The following TDRD15 variants were observed in gnomAD, a reference collection of about 807,000 sequenced individuals.
TDRD15 encodes tudor domain-containing protein 15.
For missense variants in TDRD15, 1,416 were observed against 904.7 expected, an observed-to-expected ratio of 1.57 and a Z score of -7.25; for synonymous variants, 503 against 314.5, an observed-to-expected ratio of 1.60 and a Z score of -6.34.
rs1665903868 is a variant in TDRD15 at position 21,140,636 on chromosome 2, G to GA, written c.3173dup (p.Asn1058LysfsTer22). 1.4e-6 allele frequency: 1 copy of GA among 715,136 alleles called. No individual in the cohort carries two copies. The highest frequency in any genetic ancestry group is 1.8e-5 in the African/African-American group (1 of 57,114). The allele number at this position is 715,136 out of a possible 1,614,324, so 44.3% of individuals were successfully genotyped here. A position where few individuals can be genotyped will look rare whatever the true frequency, so the allele number is the denominator to read the frequency against. ...CTTTGGAAATAAGCAATTAGTAGGA[G>GA]AAAATATGTTGAGGGCCATTTCAGC... On this transcript the variant is annotated frameshift_variant, in exon 4 of 4. Coordinates refer to ENST00000405799, the MANE Select transcript of TDRD15 (RefSeq NM_001306137.2). LOFTEE classifies it low-confidence loss of function (END_TRUNC).
Position 21,139,343 on chromosome 2 carries a change from T to C in TDRD15, c.1876T>C (p.Leu626=), listed in dbSNP as rs1160169731. The change falls in exon 4 of 4, where the codon TTG becomes CTG. Residue 626 remains leucine, a synonymous_variant. Coordinates refer to ENST00000405799, the MANE Select transcript of TDRD15 (RefSeq NM_001306137.2). ...FKKLVLNKAI[L]LQVIAKKDDK... ...AAAATTAGTTTTGAACAAAGCAATT[T>C]TGCTTCAGGTTATAGCAAAAAAAGA... 3 of 703,086 alleles carry C rather than the reference T, an allele frequency of 4.3e-6. No individual in the cohort carries two copies. Among genetic ancestry groups the C allele is most frequent in the Non-Finnish European group, 7.9e-6 (3 of 381,048 alleles). 43.6% of individuals were successfully genotyped at this position (703,086 alleles called of 1,614,324 possible).
chr2:21,129,090 C>G (rs920001821), intron 2 of TDRD15, among the ~76,000 whole-genome samples: 1 of 152,124 alleles, frequency 6.6e-6, no homozygotes, highest in Non-Finnish European at 1.5e-5. Flanking sequence ...GTGCACGTTA[C>G]CATGCCCCAC....
chr2:21,125,051 G>C (rs780675969), intron 1 of TDRD15, among the ~76,000 whole-genome samples: 3 of 149,308 alleles, frequency 2.0e-5, no homozygotes, highest in Non-Finnish European at 1.5e-5. Flanking sequence ...TAATGTCAGG[G>C]TGTGTGAGTG....
At chr2:21,126,009 T>C (rs1665583600) in intron 1 of TDRD15, among the ~76,000 whole-genome samples, 1 of 151,882 alleles carries the variant, frequency 6.6e-6, no homozygotes, top group Non-Finnish European at 1.5e-5. Context: ...CATGTGTGTG[T>C]GTATGTGTGT....
At chr2:21,146,892 C>G (rs1666039006), downstream of TDRD15, among the ~76,000 whole-genome samples, 1 of 152,026 alleles carries the variant, frequency 6.6e-6, no homozygotes, top group African/African-American at 2.4e-5. Flanking sequence ...AATATGGGCA[C>G]TGAGGCTAAC....
chr2:21,127,198 A>G (rs1665614899), intron 1 of TDRD15, among the ~76,000 whole-genome samples: 1 of 152,006 alleles, frequency 6.6e-6, no homozygotes, highest in Non-Finnish European at 1.5e-5. Context: ...AGTTCTTTAT[A>G]TATTTTAGAG....
chr2:21,131,489 C>T lies in TDRD15; in HGVS notation c.-89-3273C>T, dbSNP rs189848535. ...TTGAGTTGTTGTGCATATCAAAGAACGTCTTCAGTTATATGAAAAAGCTTT... is the reference window on the plus strand; with the variant it reads ...TTGAGTTGTTGTGCATATCAAAGAATGTCTTCAGTTATATGAAAAAGCTTT... On this transcript the variant is annotated intron_variant, in intron 2 of 3. Transcript: ENST00000405799. Among the ~76,000 whole-genome samples, 195 of 152,290 alleles carry T rather than the reference C, an allele frequency of 1.3e-3. 1 individual carries two copies. Among genetic ancestry groups the T allele is most frequent in the Non-Finnish European group, 1.9e-3 (127 of 68,024 alleles).
chr2:21,141,851 G>A lies in TDRD15; in HGVS notation c.4384G>A (p.Val1462Ile). ...EVNMICDEKC[V>I]INELLKWKAC... ...AAATATGATTTGTGATGAAAAATGT[G>A]TCATTAATGAACTACTGAAATGGAA... The change falls in exon 4 of 4, where the codon GTC (valine) becomes ATC (isoleucine). Residue 1462 changes from valine to isoleucine, a missense_variant. Physicochemically the swap from Val to Ile is conservative, Grantham distance 29 (BLOSUM62 3). Transcript: ENST00000405799. 1 of 715,180 alleles carries A rather than the reference G, an allele frequency of 1.4e-6. No homozygotes were observed. The highest frequency in any genetic ancestry group is 2.6e-6 in the Non-Finnish European group (1 of 383,610). 44.3% of individuals were successfully genotyped at this position (715,180 alleles called of 1,614,324 possible).
In TDRD15 at chr2:21,138,942, T is replaced by G. The variant is rs1051771453; in HGVS notation, c.1475T>G (p.Leu492Ter). The G allele has an allele frequency of 2.8e-6, 2 of 714,272 alleles. No individual in the cohort carries two copies. The highest frequency in any genetic ancestry group is 2.6e-6 in the Non-Finnish European group (1 of 383,692). The allele number at this position is 714,272 out of a possible 1,614,324, so 44.2% of individuals were successfully genotyped here. ...TACATAGCTTTTATAGCATATGTAT[T>G]AAACCCATCAAATTTCTGGGTACGC... ...AAYIAFIAYV[L>*]NPSNFWVRTN... Residue 492 changes from leucine (L) to a stop codon, truncating the protein, a stop_gained, in exon 4 of 4, where the codon TTA becomes TGA. Transcript: ENST00000405799. LOFTEE classifies it low-confidence loss of function (END_TRUNC).
rs1377244419 is a variant in TDRD15 at position 21,141,586 on chromosome 2, T to C, written c.4119T>C (p.Phe1373=). The C allele has an allele frequency of 4.2e-6, 3 of 713,762 alleles. No individual in the cohort carries two copies. In the South Asian group the frequency reaches 4.5e-5, roughly 11 times the overall value. 44.2% of individuals were successfully genotyped at this position (713,762 alleles called of 1,614,324 possible). A position where few individuals can be genotyped will look rare whatever the true frequency, so the allele number is the denominator to read the frequency against. ...AGAAAATTTTGCCAGGAAATTCTTTTGAAGTAGAATTTATTGACTATGGTA... is the reference window on the plus strand; with the variant it reads ...AGAAAATTTTGCCAGGAAATTCTTTCGAAGTAGAATTTATTGACTATGGTA... The part of the protein sequence containing the change: ...VIKKILPGNS[F]EVEFIDYGNS... Residue 1373 remains phenylalanine (F), a synonymous_variant, in exon 4 of 4, where the codon TTT becomes TTC. Transcript: ENST00000405799.
chr2:21,140,487 T>G lies in TDRD15; in HGVS notation c.3020T>G (p.Phe1007Cys), dbSNP rs112052485. Residue 1007 changes from phenylalanine to cysteine, a missense_variant, in exon 4 of 4, where the codon TTT becomes TGT. By Grantham distance (205) the Phe-to-Cys change is radical (BLOSUM62 -2). Transcript: ENST00000405799. ...KITESVNLQN[F>C]PKYDSNKMRV... is the part of the protein sequence containing the mutation. Reference sequence around the variant, plus strand: ...ACAGAGAGTGTTAACCTCCAAAATTTTCCAAAATATGATTCTAATAAAATG... The same window carrying G: ...ACAGAGAGTGTTAACCTCCAAAATTGTCCAAAATATGATTCTAATAAAATG... 789 of 695,116 alleles carry G rather than the reference T, an allele frequency of 1.1e-3. 9 individuals carry two copies. The African/African-American group carries it at 0.012, about 11-fold the overall frequency. The allele number at this position is 695,116 out of a possible 1,614,324, so 43.1% of individuals were successfully genotyped here.
chr2:21,124,437 T>C (rs1240367385), intron 1 of TDRD15, among the ~76,000 whole-genome samples: 1 of 146,014 alleles, frequency 6.8e-6, no homozygotes, highest in Non-Finnish European at 1.5e-5. Flanking sequence ...AACCCTAATG[T>C]CAGGGTGTGT....
intron 3 of TDRD15, among the ~76,000 whole-genome samples, chr2:21,136,271 C>T (rs932856856): frequency 6.6e-6 from 1 of 151,896 alleles, no homozygotes; most frequent in Non-Finnish European, 1.5e-5. Flanking sequence ...ATATTCTGTC[C>T]CTACATACTC....
At chr2:21,134,576 C>T (rs886844553) in intron 2 of TDRD15, among the ~76,000 whole-genome samples, 186 bp from the exon 3 acceptor site, 2 of 151,674 alleles carry the variant, frequency 1.3e-5, no homozygotes, top group Non-Finnish European at 2.9e-5. Flanking sequence ...AATAGAATAA[C>T]TTTATTAGTC....
intron 2 of TDRD15, among the ~76,000 whole-genome samples, chr2:21,131,792 A>C (rs1665723145): frequency 1.3e-5 from 2 of 152,148 alleles, no homozygotes. Context: ...ATATATTTTA[A>C]ATTTCTATTT....
At chr2:21,124,914 G>A (rs1665553910) in intron 1 of TDRD15, among the ~76,000 whole-genome samples, 1 of 149,226 alleles carries the variant, frequency 6.7e-6, no homozygotes, top group Admixed American at 6.6e-5. Context: ...GTGTGAGAGA[G>A]ACCCTGTCAG....
At chr2:21,144,511 A>G (rs1211791414), downstream of TDRD15, among the ~76,000 whole-genome samples, 2 of 151,954 alleles carry the variant, frequency 1.3e-5, no homozygotes, top group East Asian at 1.9e-4. Flanking sequence ...ATGCTTTACA[A>G]TTGGCCCCCT....
chr2:21,142,209 GCTTGGCAAAAT>G lies in TDRD15; in HGVS notation c.4745_4755del (p.Leu1582Ter), dbSNP rs1387626124. The G allele has an allele frequency of 4.3e-6, 3 of 691,292 alleles. No homozygotes were observed. Among genetic ancestry groups the G allele is most frequent in the Non-Finnish European group, 7.9e-6 (3 of 377,804 alleles). The allele number at this position is 691,292 out of a possible 1,614,324, so 42.8% of individuals were successfully genotyped here. A position where few individuals can be genotyped will look rare whatever the true frequency, so the allele number is the denominator to read the frequency against. ...GAAAGTATTGAAAAAGGTTTAGAAT[GCTTGGCAAAAT>G]CTAAAAATACCTTGAAATGGCATCG... On this transcript the variant is annotated frameshift_variant, in exon 4 of 4. Coordinates refer to ENST00000405799, the MANE Select transcript of TDRD15 (RefSeq NM_001306137.2). LOFTEE classifies it low-confidence loss of function (END_TRUNC).
At chr2:21,127,169 TTTA>T (rs1665613404) in intron 1 of TDRD15, among the ~76,000 whole-genome samples, 2 of 152,338 alleles carry the variant, frequency 1.3e-5, no homozygotes, top group East Asian at 3.9e-4. Context: ...GGATTTTTTT[TTTA>T]TTATTGAGTT....
Sources: allele counts gnomAD v4.1 joint callset (sites outside exome capture counted in the v4.1 genomes callset), GRCh38; gene constraint gnomAD v4.1.1; transcripts MANE v1.5; gene names NCBI Gene and HGNC (gene_info 2026-07-23, HGNC 2026-07-21).